MAN2A2: variants seen among roughly 807,000 people sequenced by gnomAD.
MAN2A2 encodes the protein mannosidase alpha class 2A member 2, also known as alpha-mannosidase 2x.
MAN2A2 carries 79 observed loss-of-function variants against 126.8 expected under a neutral mutation model. The ratio of observed to expected loss-of-function variants is 0.62; its 90% CI spans 0.52 to 0.75. The LOEUF (loss-of-function observed/expected upper bound fraction) is 0.75, where lower values mean the gene tolerates loss of function less well. MAN2A2 is among the 30% of genes least tolerant of loss of function. The pLI is 0.00. For missense variants in MAN2A2, 1,392 were observed against 1,522.4 expected (o/e 0.91, Z 1.43); for synonymous variants, 671 against 618.7 (o/e 1.08, Z -1.25).
chr15:90,911,949 G>T (rs1295206498), intron 14 of MAN2A2, 94 bp from the exon 15 acceptor site: 1 of 1,029,310 alleles, frequency 9.7e-7, no homozygotes, highest in South Asian at 1.4e-5. Flanking sequence ...GCGGGTGCAG[G>T]GGCTTGCTCA....
rs751947096 is a variant in MAN2A2 at position 90,907,329 on chromosome 15, A to G, written c.1030A>G (p.Ile344Val). 1 of 1,613,970 alleles carries G rather than the reference A, an allele frequency of 6.2e-7. No homozygotes were observed. Among genetic ancestry groups the G allele is most frequent in the South Asian group, 1.1e-5 (1 of 91,086 alleles). ...QTWDSDSSTD[I>V]FCHMMPFYSY... ...TGCAGACTCGGACTCCAGCACAGAC[A>G]TCTTCTGTCACATGATGCCCTTCTA... is the stretch of plus-strand genomic sequence containing the variant. The change falls in exon 8 of 23, where the codon ATC becomes GTC. Residue 344 changes from isoleucine to valine, a missense_variant. Physicochemically the swap from Ile to Val is conservative, Grantham distance 29. Transcript: ENST00000559717.
At chr15:90,906,582 G>A (rs2034307333) in intron 6 of MAN2A2, 85 bp downstream of exon 6, 1 of 1,602,862 alleles carries the variant, frequency 6.2e-7, no homozygotes, top group Admixed American at 1.7e-5. Context: ...TCGGCAGGGG[G>A]TGGTTCCTTT....
At chr15:90,906,341 C>T (rs2034281675) in intron 5 of MAN2A2, 29 bp from the exon 6 acceptor site, 2 of 1,613,602 alleles carry the variant, frequency 1.2e-6, no homozygotes, top group Non-Finnish European at 1.7e-6. Flanking sequence ...GTGTCCTGCT[C>T]CGTCCTGAGT....
intron 20 of MAN2A2, chr15:90,917,972 G>A: frequency 3.6e-6 from 2 of 555,852 alleles, no homozygotes; most frequent in South Asian, 2.3e-5. Context: ...AAGTAGAGAA[G>A]AAACAGCTTA....
At position 90,919,652 on chromosome 15, in the gene MAN2A2, T is replaced by C. The variant is rs2035449508; in HGVS notation, c.3318T>C (p.Leu1106=). 8.1e-6 allele frequency: 13 copies of C among 1,614,138 alleles called. No individual in the cohort carries two copies. The highest frequency in any genetic ancestry group is 8.5e-6 in the Non-Finnish European group (10 of 1,180,006). Residue 1106 remains leucine, a synonymous_variant, in exon 23 of 23, where the codon CTT becomes CTC. Transcript: ENST00000559717. ...TSQGKVALGS[L]FHGLDVVFLQ... ...CTCCACAGGTAGCCCTGGGCAGCCTTTTCCATGGCCTGGATGTGGTATTCC... is the reference window on the plus strand; with the variant it reads ...CTCCACAGGTAGCCCTGGGCAGCCTCTTCCATGGCCTGGATGTGGTATTCC...
intron 15 of MAN2A2, 22 bp downstream of exon 15, chr15:90,912,301 G>A: frequency 6.2e-7 from 1 of 1,612,478 alleles, no homozygotes; most frequent in East Asian, 2.2e-5. Flanking sequence ...GGGTGGTGGG[G>A]AAGGGCCAGG....
chr15:90,910,463 G>A (rs1567123092), intron 10 of MAN2A2, 38 bp from the exon 11 acceptor site: 7 of 1,610,166 alleles, frequency 4.3e-6, no homozygotes, highest in Non-Finnish European at 5.9e-6. Context: ...GCCCTGGCTA[G>A]TGGTGCAGGC....
Position 90,903,383 on chromosome 15 carries a change from T to G in MAN2A2, c.-68T>G, listed in dbSNP as rs1341722993. 6.6e-6 allele frequency: 1 copy of G among 152,662 alleles called. No individual in the cohort carries two copies. The highest frequency in any genetic ancestry group is 1.5e-5 in the Non-Finnish European group (1 of 68,394). The allele number at this position is 152,662 out of a possible 1,614,324, so 9.5% of individuals were successfully genotyped here. A position where few individuals can be genotyped will look rare whatever the true frequency, so the allele number is the denominator to read the frequency against. On this transcript the variant is annotated 5_prime_UTR_variant, in exon 1 of 23. Coordinates refer to ENST00000559717, the MANE Select transcript of MAN2A2 (RefSeq NM_006122.4). ...CCGCGGAGCAGACTCCGGAGCGCGG[T>G]CCCGCCCACGCTCGGCTCCGCAGTT...
At position 90,922,172 on chromosome 15, in the gene MAN2A2, T is replaced by C. The variant is rs755295400; in HGVS notation, c.*2385T>C. 3 of 152,100 alleles carry C rather than the reference T, an allele frequency of 2.0e-5. No individual in the cohort carries two copies. The highest frequency in any genetic ancestry group is 4.4e-5 in the Non-Finnish European group (3 of 68,022). The allele number at this position is 152,100 out of a possible 1,614,324, so 9.4% of individuals were successfully genotyped here. ...CAAATGACAGATATGGAAGAAAATA[T>C]TTGCAGCACATAAAAAAATCAACGA... is the stretch of plus-strand genomic sequence containing the variant. On this transcript the variant is annotated 3_prime_UTR_variant, in exon 23 of 23. Coordinates refer to ENST00000559717, the MANE Select transcript of MAN2A2 (RefSeq NM_006122.4).
In MAN2A2 at chr15:90,921,192, C is replaced by T. The variant is rs1336340696; in HGVS notation, c.*1405C>T. ...ACAATAAAACTGCCTACCTGTAAAA[C>T]CTAAGAATCAACTGAAGACCTGTTA... On this transcript the variant is annotated 3_prime_UTR_variant, in exon 23 of 23. Coordinates refer to ENST00000559717, the MANE Select transcript of MAN2A2 (RefSeq NM_006122.4). 6.6e-6 allele frequency: 1 copy of T among 152,184 alleles called. No homozygotes were observed. Among genetic ancestry groups the T allele is most frequent in the Non-Finnish European group, 1.5e-5 (1 of 68,034 alleles). The allele number at this position is 152,184 out of a possible 1,614,324, so 9.4% of individuals were successfully genotyped here.
At position 90,920,746 on chromosome 15, in the gene MAN2A2, G is replaced by C. The variant is rs2035506424; in HGVS notation, c.*959G>C. The C allele has an allele frequency of 6.6e-6, 1 of 152,244 alleles. No individual in the cohort carries two copies. Among genetic ancestry groups the C allele is most frequent in the Non-Finnish European group, 1.5e-5 (1 of 68,066 alleles). The allele number at this position is 152,244 out of a possible 1,614,324, so 9.4% of individuals were successfully genotyped here. The stretch of plus-strand genomic sequence containing the variant: ...CCACGCCTAGCAGGCAGACCTTGAA[G>C]CCTCACCTTTAGTCTATCTGCAGAG... On this transcript the variant is annotated 3_prime_UTR_variant, in exon 23 of 23. Coordinates refer to ENST00000559717, the MANE Select transcript of MAN2A2 (RefSeq NM_006122.4).
At chr15:90,911,727 C>T in intron 14 of MAN2A2, 177 bp downstream of exon 14, 1 of 700,756 alleles carries the variant, frequency 1.4e-6, no homozygotes, top group African/African-American at 1.8e-5. Flanking sequence ...TTGAGCGTGT[C>T]CTTGAAAAGA....
Position 90,905,165 on chromosome 15 carries a change from C to T in MAN2A2, c.133-86C>T, listed in dbSNP as rs561423458. On this transcript the variant is annotated intron_variant, in intron 2 of 22. Coordinates refer to ENST00000559717, the MANE Select transcript of MAN2A2 (RefSeq NM_006122.4). ...TTTGACTGATGAGGGAAGAATTGTA[C>T]TCAGGCCTCAGCTGGTAGACCCCAA... 14 of 1,452,204 alleles carry T rather than the reference C, an allele frequency of 9.6e-6. No homozygotes were observed. In the South Asian group the frequency reaches 1.4e-4, roughly 14 times the overall value. 90.0% of individuals were successfully genotyped at this position (1,452,204 alleles called of 1,614,324 possible).
At position 90,905,525 on chromosome 15, in the gene MAN2A2, G is replaced by T; in HGVS notation, c.390+17G>T. 1 of 1,614,150 alleles carries T rather than the reference G, an allele frequency of 6.2e-7. No individual in the cohort carries two copies. The highest frequency in any genetic ancestry group is 8.5e-7 in the Non-Finnish European group (1 of 1,180,028). ...GAGCTGCAGGTAAGAGTCAGAGCTG[G>T]CAGGGACGTACAGTGGCCACGACTG... is the stretch of plus-strand genomic sequence containing the variant. On this transcript the variant is annotated intron_variant, in intron 3 of 22. Transcript: ENST00000559717.
At chr15:90,904,013 G>A (rs1452214028) in intron 1 of MAN2A2, 177 bp from the exon 2 acceptor site, 2 of 690,514 alleles carry the variant, frequency 2.9e-6, no homozygotes, top group African/African-American at 1.7e-5. Flanking sequence ...CACCCTAGCG[G>A]CAGAGCTGCT....
rs376369294 is a variant in MAN2A2 at position 90,910,875 on chromosome 15, C to T, written c.1789C>T (p.Gln597Ter). The change falls in exon 12 of 23, where the codon CAG becomes TAG. Residue 597 changes from glutamine (Q) to a stop codon, truncating the protein, a stop_gained. Transcript: ENST00000559717. LOFTEE classifies it high-confidence loss of function. ...TCTGCGCTCCCTTGTCAACCTGAAG[C>T]AGGTCATCATTCATGCAGCCCACTA... is the stretch of plus-strand genomic sequence containing the variant. ...RLLRSLVNLK[Q>*]VIIHAAHYLV... The T allele has an allele frequency of 6.2e-7, 1 of 1,614,156 alleles. No individual in the cohort carries two copies. The highest frequency in any genetic ancestry group is 8.5e-7 in the Non-Finnish European group (1 of 1,180,020).
intron 19 of MAN2A2, 145 bp downstream of exon 19, chr15:90,913,900 G>T (rs2034975287): frequency 8.8e-7 from 1 of 1,138,380 alleles, no homozygotes; most frequent in Admixed American, 3.0e-5. Flanking sequence ...AAGCCATTCA[G>T]AGCTCTTGGC....
At chr15:90,907,911 T>A (rs2034429185) in intron 8 of MAN2A2, among the ~76,000 whole-genome samples, 1 of 152,164 alleles carries the variant, frequency 6.6e-6, no homozygotes, top group Admixed American at 6.5e-5. Context: ...GACCTGTCCC[T>A]TTTGAGAGAA....
intron 18 of MAN2A2, 29 bp downstream of exon 18, chr15:90,913,435 C>G (rs1359801971): frequency 3.2e-6 from 5 of 1,578,814 alleles, no homozygotes; most frequent in Non-Finnish European, 4.4e-6. Flanking sequence ...TCTCGGAGAC[C>G]CCACAGAGTA....
Sources: allele counts gnomAD v4.1 joint callset (sites outside exome capture counted in the v4.1 genomes callset), GRCh38; gene constraint gnomAD v4.1.1; transcripts MANE v1.5; gene names NCBI Gene and HGNC (gene_info 2026-07-23, HGNC 2026-07-21).